The following FRMD3 variants were observed in gnomAD, a reference collection of about 807,000 sequenced individuals.
FRMD3 encodes FERM domain containing 3, also known as FERM domain-containing protein 3.
In FRMD3, 33 loss-of-function variants were observed where a neutral mutation model predicts 70.2. That is an observed-to-expected ratio of 0.47 (90% CI 0.36 to 0.63). The LOEUF (loss-of-function observed/expected upper bound fraction) is 0.63. Ranked by LOEUF, FRMD3 falls within the 20% of genes least tolerant of loss-of-function variation. The pLI is 0.00. For missense variants in FRMD3, 632 were observed against 711.4 expected (o/e 0.89, Z 1.27); for synonymous variants, 279 against 255.9 (o/e 1.09, Z -0.86).
At chr9:83,367,119 C>A (rs568923301) in intron 3 of FRMD3, among the ~76,000 whole-genome samples, 66 of 152,292 alleles carry the variant, frequency 4.3e-4, no homozygotes, top group African/African-American at 1.5e-3. Context: ...CTCTGCAAAA[C>A]CAAACATTCA....
intron 13 of FRMD3, among the ~76,000 whole-genome samples, chr9:83,279,859 C>A (rs1833915306): frequency 6.6e-6 from 1 of 152,036 alleles, no homozygotes. Context: ...GGCTTAATAC[C>A]TAGGTGAGGT....
Position 83,488,722 on chromosome 9 carries a change from T to C in FRMD3, c.147+49363A>G, listed in dbSNP as rs979296819. Among the ~76,000 whole-genome samples, 8 of 152,206 alleles carry C rather than the reference T, an allele frequency of 5.3e-5. No homozygotes were observed. The East Asian group carries it at 7.7e-4, about 15-fold the overall frequency. On this transcript the variant is annotated intron_variant, in intron 1 of 13. Transcript: ENST00000304195. ...AAGGGCAGGGACCTTGTCTCATTCATTGACAAATCTCCTTCCAAGTTCCCA... is the reference window on the plus strand; with the variant it reads ...AAGGGCAGGGACCTTGTCTCATTCACTGACAAATCTCCTTCCAAGTTCCCA...
At chr9:83,359,356 T>G (rs1018219110) in intron 3 of FRMD3, among the ~76,000 whole-genome samples, 6 of 152,194 alleles carry the variant, frequency 3.9e-5, no homozygotes, top group Admixed American at 2.6e-4. Context: ...AAAGAGACTT[T>G]GGGGTCCCAT....
intron 1 of FRMD3, among the ~76,000 whole-genome samples, chr9:83,437,552 A>G (rs1827171549): frequency 6.6e-6 from 1 of 152,198 alleles, no homozygotes; most frequent in South Asian, 2.1e-4. Context: ...GAGCTTTAAA[A>G]TTAGTTCCAA....
intron 1 of FRMD3, among the ~76,000 whole-genome samples, chr9:83,415,596 C>A (rs1396279064): frequency 3.3e-5 from 5 of 150,344 alleles, no homozygotes; most frequent in African/African-American, 1.2e-4. Flanking sequence ...GTGCCCACCA[C>A]CACGACTGAC....
intron 1 of FRMD3, among the ~76,000 whole-genome samples, chr9:83,454,770 G>A (rs1029779088): frequency 1.3e-5 from 2 of 152,136 alleles, no homozygotes; most frequent in Non-Finnish European, 2.9e-5. Flanking sequence ...TAGCTTGCAG[G>A]GCTTTTATGC....
intron 2 of FRMD3, among the ~76,000 whole-genome samples, chr9:83,387,280 TTTAA>T (rs1419914715): frequency 3.3e-5 from 5 of 152,196 alleles, no homozygotes; most frequent in Non-Finnish European, 7.3e-5. Context: ...TTATTTTTTG[TTTAA>T]TTAATTATTT....
At chr9:83,518,799 G>A (rs1377725242) in intron 1 of FRMD3, among the ~76,000 whole-genome samples, 1 of 152,012 alleles carries the variant, frequency 6.6e-6, no homozygotes, top group Admixed American at 6.6e-5. Flanking sequence ...CAGACATATA[G>A]ACCAATGGAA....
intron 1 of FRMD3, among the ~76,000 whole-genome samples, chr9:83,506,428 C>T (rs1335533816): frequency 6.6e-6 from 1 of 152,190 alleles, no homozygotes; most frequent in East Asian, 1.9e-4. Flanking sequence ...GAGCCTATTG[C>T]TCCTGGGCTA....
chr9:83,256,250 G>A (rs1447747536), intron 13 of FRMD3, among the ~76,000 whole-genome samples: 1 of 148,450 alleles, frequency 6.7e-6, no homozygotes, highest in African/African-American at 2.5e-5. Context: ...CAAAAAACTT[G>A]ACAAAAACAA....
intron 1 of FRMD3, among the ~76,000 whole-genome samples, chr9:83,536,783 T>A (rs1302914876): frequency 6.6e-6 from 1 of 151,630 alleles, no homozygotes; most frequent in Non-Finnish European, 1.5e-5. Flanking sequence ...TGTCACACAC[T>A]CCCACTAACA....
intron 1 of FRMD3, among the ~76,000 whole-genome samples, chr9:83,448,595 A>G (rs1827549756): frequency 6.6e-6 from 1 of 152,168 alleles, no homozygotes; most frequent in East Asian, 1.9e-4. Context: ...GCTCCACTGT[A>G]TCTCAGAAGA....
chr9:83,366,504 C>T (rs779472173), intron 3 of FRMD3, among the ~76,000 whole-genome samples: 30 of 151,996 alleles, frequency 2.0e-4, no homozygotes, highest in African/African-American at 6.5e-4. Context: ...ACCCAGGAGG[C>T]GGAGGTTGCA....
intron 1 of FRMD3, among the ~76,000 whole-genome samples, chr9:83,527,806 T>C (rs1829716202): frequency 6.6e-6 from 1 of 152,178 alleles, no homozygotes; most frequent in African/African-American, 2.4e-5. Flanking sequence ...TCTGCCCAAC[T>C]GGCTCCTGAC....
chr9:83,533,041 C>T (rs1829821200), intron 1 of FRMD3, among the ~76,000 whole-genome samples: 1 of 152,148 alleles, frequency 6.6e-6, no homozygotes, highest in South Asian at 2.1e-4. Flanking sequence ...GGACTTTTTG[C>T]CAGCTAAGAT....
At chr9:83,339,446 A>G (rs959687209) in intron 5 of FRMD3, among the ~76,000 whole-genome samples, 5 of 152,234 alleles carry the variant, frequency 3.3e-5, no homozygotes, top group Non-Finnish European at 7.3e-5. Flanking sequence ...AACCAGCTCT[A>G]GCACTTTTCT....
intron 3 of FRMD3, among the ~76,000 whole-genome samples, chr9:83,359,660 C>G (rs1824519826): frequency 6.6e-6 from 1 of 152,112 alleles, no homozygotes; most frequent in Admixed American, 6.5e-5. Context: ...GAATTTGTAT[C>G]ATTTTTGTAT....
At chr9:83,432,663 G>A (rs1162301434) in intron 1 of FRMD3, among the ~76,000 whole-genome samples, 3 of 152,088 alleles carry the variant, frequency 2.0e-5, no homozygotes, top group Non-Finnish European at 4.4e-5. Context: ...ATAAATATCT[G>A]TTTGTAAGTT....
upstream of FRMD3, among the ~76,000 whole-genome samples, chr9:83,541,634 T>A (rs934925463): frequency 6.6e-6 from 1 of 152,138 alleles, no homozygotes; most frequent in African/African-American, 2.4e-5. Context: ...CAAAAGGAGC[T>A]CCCTGACTTA....
Sources: allele counts gnomAD v4.1 joint callset (sites outside exome capture counted in the v4.1 genomes callset), GRCh38; gene constraint gnomAD v4.1.1; transcripts MANE v1.5; gene names NCBI Gene and HGNC (gene_info 2026-07-23, HGNC 2026-07-21).